Variants in TVP23B observed in about 807,000 individuals in gnomAD.
TVP23B encodes trans-golgi network vesicle protein 23 homolog B.
Under a neutral mutation model 30.6 loss-of-function variants are expected in TVP23B, and 10 were observed. The observed-to-expected ratio is 0.33, with a 90% CI of 0.20 to 0.55. The LOEUF (loss-of-function observed/expected upper bound fraction) is 0.55, where lower values mean the gene tolerates loss of function less well. Among genes scored for constraint, TVP23B ranks in the 20% least tolerant of loss-of-function variants. The probability of loss-of-function intolerance (pLI) is 0.91; values close to 1 mark genes in which losing one functional copy is unlikely to be tolerated. For missense variants in TVP23B, 153 were observed against 243.2 expected, an observed-to-expected ratio of 0.63 and a Z score of 2.47; for synonymous variants, 67 against 83.1, an observed-to-expected ratio of 0.81 and a Z score of 1.06.
intron 1 of TVP23B, among the ~76,000 whole-genome samples, chr17:18,786,749 T>G (rs2035912161): frequency 6.6e-6 from 1 of 152,104 alleles, no homozygotes; most frequent in Non-Finnish European, 1.5e-5. Context: ...CTTTTCAGCC[T>G]TAGCTCAGTA....
Position 18,806,123 on chromosome 17 carries a change from G to T in TVP23B, c.*556G>T, listed in dbSNP as rs2036247679. ...ATGCAAGCAAGTGAAAACAATTAGG[G>T]CCAGTGGTATTAACTACTTTATAAA... On this transcript the variant is annotated 3_prime_UTR_variant, in exon 7 of 7. Coordinates refer to ENST00000307767, the MANE Select transcript of TVP23B (RefSeq NM_016078.6). 1.0e-6 allele frequency: 1 copy of T among 955,434 alleles called. No individual in the cohort carries two copies. Among genetic ancestry groups the T allele is most frequent in the Non-Finnish European group, 1.2e-6 (1 of 802,870 alleles). 59.2% of individuals were successfully genotyped at this position (955,434 alleles called of 1,614,324 possible).
intron 5 of TVP23B, among the ~76,000 whole-genome samples, chr17:18,801,925 C>CAT (rs2042791731): frequency 6.6e-6 from 1 of 152,132 alleles, no homozygotes; most frequent in African/African-American, 2.4e-5. Flanking sequence ...CAGCCTACAG[C>CAT]ATAAATGGGT....
intron 5 of TVP23B, among the ~76,000 whole-genome samples, chr17:18,800,893 ATTTATTCAGCAATT>A (rs1323226745): frequency 1.3e-5 from 2 of 151,970 alleles, no homozygotes; most frequent in African/African-American, 4.8e-5. Context: ...TCTTTTCCTT[ATTTATTCAGCAATT>A]TTAAGAGTTC....
At chr17:18,796,169 A>G (rs1326522790) in intron 3 of TVP23B, 1 of 151,952 alleles carries the variant, frequency 6.6e-6, no homozygotes, top group Non-Finnish European at 1.5e-5. Flanking sequence ...GGTGTTTTTA[A>G]TTTTACCTAT....
At chr17:18,781,409 G>C in intron 1 of TVP23B, 104 bp downstream of exon 1, 1 of 1,521,626 alleles carries the variant, frequency 6.6e-7, no homozygotes. Context: ...ACTCGAACTC[G>C]AGGAGGAGCG....
chr17:18,784,038 G>C (rs1486435830), intron 1 of TVP23B, among the ~76,000 whole-genome samples: 2 of 152,038 alleles, frequency 1.3e-5, no homozygotes, highest in Non-Finnish European at 2.9e-5. Flanking sequence ...CCAGCTACTC[G>C]GGAAGCTGAG....
intron 5 of TVP23B, among the ~76,000 whole-genome samples, chr17:18,803,806 T>C (rs1299091805): frequency 1.3e-5 from 2 of 152,180 alleles, no homozygotes; most frequent in South Asian, 2.1e-4. Flanking sequence ...TCATTTACTT[T>C]TCCTAACTTT....
chr17:18,790,980 C>CT lies in TVP23B; in HGVS notation c.183dup (p.Ile62TyrfsTer14), dbSNP rs1567633442. ...TTCTCTGTGGGTTGCTCAGCAGCAGCTTTATTACCTGTATGGTGACAATTA... is the reference window on the plus strand; with the variant it reads ...TTCTCTGTGGGTTGCTCAGCAGCAGCTTTTATTACCTGTATGGTGACAATTA... On this transcript the variant is annotated frameshift_variant, in exon 3 of 7. Coordinates refer to ENST00000307767, the MANE Select transcript of TVP23B (RefSeq NM_016078.6). LOFTEE classifies it high-confidence loss of function. 1 of 1,612,394 alleles carries CT rather than the reference C, an allele frequency of 6.2e-7. No homozygotes were observed. The highest frequency in any genetic ancestry group is 8.5e-7 in the Non-Finnish European group (1 of 1,179,554).
chr17:18,791,547 A>G (rs1224645783), intron 3 of TVP23B, among the ~76,000 whole-genome samples: 4 of 152,114 alleles, frequency 2.6e-5, no homozygotes, highest in African/African-American at 9.7e-5. Flanking sequence ...AATATTTGTC[A>G]GTGTCCAAAA....
At chr17:18,789,226 T>C in intron 1 of TVP23B, 127 bp from the exon 2 acceptor site, 1 of 1,407,390 alleles carries the variant, frequency 7.1e-7, no homozygotes, top group South Asian at 1.4e-5. Context: ...TTCCTAGGTT[T>C]TGAATTCCTG....
At chr17:18,786,812 A>G (rs1391587256) in intron 1 of TVP23B, among the ~76,000 whole-genome samples, 1 of 150,750 alleles carries the variant, frequency 6.6e-6, no homozygotes, top group African/African-American at 2.4e-5. Flanking sequence ...CATTTCTTAG[A>G]CAAACTTCCT....
intron 1 of TVP23B, among the ~76,000 whole-genome samples, chr17:18,786,259 A>G (rs574748048): frequency 1.0e-3 from 152 of 151,660 alleles, no homozygotes; most frequent in African/African-American, 3.6e-3. Context: ...TTGCCAAGTA[A>G]ATTTACATAT....
intron 3 of TVP23B, among the ~76,000 whole-genome samples, chr17:18,795,016 CTTTTTT>C (rs781620472): frequency 4.3e-5 from 2 of 46,220 alleles, no homozygotes; most frequent in Non-Finnish European, 7.5e-5. Context: ...CATCTCAAAT[CTTTTTT>C]TTTTTTTTTT....
At chr17:18,783,496 A>G (rs1222054977) in intron 1 of TVP23B, among the ~76,000 whole-genome samples, 1 of 151,952 alleles carries the variant, frequency 6.6e-6, no homozygotes, top group Non-Finnish European at 1.5e-5. Context: ...TAGCCCCTTC[A>G]CCCTCTCGCC....
intron 6 of TVP23B, 181 bp downstream of exon 6, chr17:18,804,447 T>C (rs1003578962): frequency 1.6e-6 from 2 of 1,258,218 alleles, no homozygotes; most frequent in African/African-American, 1.6e-5. Context: ...GTATTGTCAG[T>C]ATCCTAAAAT....
At chr17:18,786,588 A>G (rs1044808744) in intron 1 of TVP23B, among the ~76,000 whole-genome samples, 10 of 152,366 alleles carry the variant, frequency 6.6e-5, no homozygotes, top group African/African-American at 2.4e-4. Flanking sequence ...GTACGTTATG[A>G]TCACACCTCA....
intron 5 of TVP23B, among the ~76,000 whole-genome samples, chr17:18,802,161 G>T (rs2151852088): frequency 6.6e-6 from 1 of 152,296 alleles, no homozygotes; most frequent in Middle Eastern, 3.4e-3. Flanking sequence ...GGCAGAGTTT[G>T]CAGTGAGCCA....
chr17:18,790,814 T>C, intron 2 of TVP23B, 82 bp from the exon 3 acceptor site: 2 of 1,504,350 alleles, frequency 1.3e-6, no homozygotes, highest in Non-Finnish European at 1.8e-6. Context: ...AGTTACACGA[T>C]GGCTAAAACA....
intron 3 of TVP23B, chr17:18,797,334 A>G (rs1361065262): frequency 4.4e-6 from 2 of 449,922 alleles, no homozygotes; most frequent in African/African-American, 4.0e-5. Context: ...GAGGGAAAAG[A>G]GAAGGTGTAA....
Sources: allele counts gnomAD v4.1 joint callset (sites outside exome capture counted in the v4.1 genomes callset), GRCh38; gene constraint gnomAD v4.1.1; transcripts MANE v1.5; gene names NCBI Gene and HGNC (gene_info 2026-07-23, HGNC 2026-07-21).